FOXO3: variants seen among roughly 807,000 people sequenced by gnomAD.
FOXO3 encodes forkhead box O3, also known as forkhead box protein O3.
FOXO3 carries 4 observed loss-of-function variants against 41.9 expected under a neutral mutation model. The observed-to-expected ratio is 0.10, with a 90% CI of 0.05 to 0.22. The LOEUF is 0.22. FOXO3 is among the 10% of genes least tolerant of loss of function. FOXO3 has a pLI of 1.00. For synonymous variants in FOXO3, 318 were observed against 389.3 expected (o/e 0.82, Z 2.16); for missense variants, 534 against 906.8 (o/e 0.59, Z 5.28).
At chr6:108,657,320 T>C (rs1338808313) in intron 1 of FOXO3, among the ~76,000 whole-genome samples, 1 of 152,240 alleles carries the variant, frequency 6.6e-6, no homozygotes, top group Non-Finnish European at 1.5e-5. Flanking sequence ...TTTCTTGTAA[T>C]TTCATCAAAA....
intron 1 of FOXO3, among the ~76,000 whole-genome samples, chr6:108,638,038 TAA>T (rs540842897): frequency 3.3e-5 from 5 of 152,244 alleles, no homozygotes; most frequent in Non-Finnish European, 7.3e-5. Flanking sequence ...TCAAAATGGT[TAA>T]GTTAGGGTAA....
intron 1 of FOXO3, among the ~76,000 whole-genome samples, chr6:108,590,976 C>T (rs1360946411): frequency 6.6e-6 from 1 of 152,144 alleles, no homozygotes; most frequent in Non-Finnish European, 1.5e-5. Flanking sequence ...GAGTGCCAAA[C>T]TAGTTAATGA....
In FOXO3 at chr6:108,612,834, C is replaced by G. The variant is rs926807845; in HGVS notation, c.622-50621C>G. Among the ~76,000 whole-genome samples, 8 of 152,068 alleles carry G rather than the reference C, an allele frequency of 5.3e-5. No individual in the cohort carries two copies. In the South Asian group the frequency reaches 1.7e-3, roughly 31 times the overall value. ...CAGAGATCCTTACCATTTTTCTCAT[C>G]TTAAGGGGAAAGCATTCAGTCTTTC... On this transcript the variant is annotated intron_variant, in intron 1 of 2. Coordinates refer to ENST00000406360, the MANE Select transcript of FOXO3 (RefSeq NM_001455.4).
chr6:108,644,588 CTTTT>C (rs1778345184), intron 1 of FOXO3, among the ~76,000 whole-genome samples: 1 of 152,138 alleles, frequency 6.6e-6, no homozygotes, highest in Non-Finnish European at 1.5e-5. Context: ...TCTGTTCTTT[CTTTT>C]GTCTGATCCC....
chr6:108,568,639 T>G (rs919126433), intron 1 of FOXO3, among the ~76,000 whole-genome samples: 4 of 152,206 alleles, frequency 2.6e-5, no homozygotes, highest in African/African-American at 9.6e-5. Flanking sequence ...CCCATATGGA[T>G]AGCCTTAGTT....
At chr6:108,639,466 C>A (rs1342962230) in intron 1 of FOXO3, 1 of 736,082 alleles carries the variant, frequency 1.4e-6, no homozygotes, top group Non-Finnish European at 1.7e-6. Flanking sequence ...CCAATAAGAC[C>A]ATGTTCTTTC....
At chr6:108,672,728 C>CCT (rs1779251070) in intron 2 of FOXO3, among the ~76,000 whole-genome samples, 1 of 152,126 alleles carries the variant, frequency 6.6e-6, no homozygotes, top group Non-Finnish European at 1.5e-5. Context: ...CCTCCCTCTC[C>CCT]CTCTCCCTGT....
chr6:108,629,640 G>A lies in FOXO3; in HGVS notation c.622-33815G>A, dbSNP rs540654699. Among the ~76,000 whole-genome samples the A allele has an allele frequency of 6.6e-5, 10 of 152,070 alleles. No homozygotes were observed. The South Asian group carries it at 1.5e-3, about 22-fold the overall frequency. On this transcript the variant is annotated intron_variant, in intron 1 of 2. Coordinates refer to ENST00000406360, the MANE Select transcript of FOXO3 (RefSeq NM_001455.4). ...TTTTGCTTTATAGTAAAACCTCTCCGGCAGAATTATTTTATAATCTTTTTT... is the reference window on the plus strand; with the variant it reads ...TTTTGCTTTATAGTAAAACCTCTCCAGCAGAATTATTTTATAATCTTTTTT...
At chr6:108,627,940 A>G (rs1437749501) in intron 1 of FOXO3, among the ~76,000 whole-genome samples, 1 of 152,174 alleles carries the variant, frequency 6.6e-6, no homozygotes, top group African/African-American at 2.4e-5. Flanking sequence ...GAGTCAGTAT[A>G]TGCATATTTA....
intron 2 of FOXO3, among the ~76,000 whole-genome samples, chr6:108,668,488 C>T (rs1055886309): frequency 6.6e-6 from 1 of 152,158 alleles, no homozygotes; most frequent in African/African-American, 2.4e-5. Context: ...GTGCTGCAAG[C>T]TCGAGCTTCC....
chr6:108,599,156 C>T (rs1776975153), intron 1 of FOXO3, among the ~76,000 whole-genome samples: 1 of 152,084 alleles, frequency 6.6e-6, no homozygotes, highest in South Asian at 2.1e-4. Context: ...TGTTATTATT[C>T]CTGTTAATAA....
rs1349545042 is a variant in FOXO3 at position 108,561,691 on chromosome 6, C to T, written c.483C>T (p.Ser161=). 1.2e-6 allele frequency: 2 copies of T among 1,610,920 alleles called. No homozygotes were observed. Among genetic ancestry groups the T allele is most frequent in the Non-Finnish European group, 1.7e-6 (2 of 1,179,004 alleles). The change falls in exon 1 of 3, where the codon TCC becomes TCT. Residue 161 remains serine (S), a synonymous_variant. Transcript: ENST00000406360. ...SSRRNAWGNL[S]YADLITRAIE... ...GGCGGAACGCCTGGGGAAACCTGTC[C>T]TACGCGGACCTGATCACCCGCGCCA...
At chr6:108,623,746 A>G (rs1777735860) in intron 1 of FOXO3, among the ~76,000 whole-genome samples, 2 of 152,218 alleles carry the variant, frequency 1.3e-5, no homozygotes, top group African/African-American at 4.8e-5. Context: ...AAGGAAATTC[A>G]GGTCTTTAGC....
At chr6:108,582,563 T>A (rs1231068150) in intron 1 of FOXO3, among the ~76,000 whole-genome samples, 1 of 152,216 alleles carries the variant, frequency 6.6e-6, no homozygotes, top group Non-Finnish European at 1.5e-5. Flanking sequence ...TTTATTCTGG[T>A]TACCTTAATC....
intron 1 of FOXO3, chr6:108,618,083 C>A: frequency 2.7e-6 from 2 of 753,576 alleles, no homozygotes; most frequent in South Asian, 1.3e-5. Context: ...GTGTCTTTTT[C>A]ATTGATTTGG....
At chr6:108,645,162 TC>T (rs1294329048) in intron 1 of FOXO3, among the ~76,000 whole-genome samples, 9 of 152,248 alleles carry the variant, frequency 5.9e-5, no homozygotes, top group African/African-American at 2.4e-5. Flanking sequence ...TGCCTTACTT[TC>T]TGTTCATTTC....
rs1296831263 is a variant in FOXO3, at chr6:108,683,381, AAT to A, written c.*3591_*3592del. 1 of 152,186 alleles carries A rather than the reference AAT, an allele frequency of 6.6e-6. No homozygotes were observed. Among genetic ancestry groups the A allele is most frequent in the Non-Finnish European group, 1.5e-5 (1 of 68,036 alleles). 9.4% of individuals were successfully genotyped at this position (152,186 alleles called of 1,614,324 possible). On this transcript the variant is annotated 3_prime_UTR_variant, in exon 3 of 3. Coordinates refer to ENST00000406360, the MANE Select transcript of FOXO3 (RefSeq NM_001455.4). Reference sequence around the variant, plus strand: ...TCTACCTAGTGAACCCCACTTAAAGAATAAGGAGCATTTGAATCTCTTGGAAA... The same window carrying A: ...TCTACCTAGTGAACCCCACTTAAAGAAAGGAGCATTTGAATCTCTTGGAAA...
At position 108,622,138 on chromosome 6, in the gene FOXO3, C is replaced by T. The variant is rs1582788297; in HGVS notation, c.622-41317C>T. Among the ~76,000 whole-genome samples the T allele has an allele frequency of 3.3e-5, 5 of 151,512 alleles. No individual in the cohort carries two copies. In the South Asian group the frequency reaches 8.3e-4, roughly 25 times the overall value. On this transcript the variant is annotated intron_variant, in intron 1 of 2. Transcript: ENST00000406360. The stretch of plus-strand genomic sequence containing the variant: ...GCTGGGTGTGGTGGCGCATGCCTGT[C>T]ATCCCAGCCACTTGCGAGGCTGAGG...
chr6:108,596,649 G>C (rs1776895428), intron 1 of FOXO3, among the ~76,000 whole-genome samples: 1 of 152,234 alleles, frequency 6.6e-6, no homozygotes, highest in African/African-American at 2.4e-5. Context: ...CTGTCCATAG[G>C]CAAAGTTACA....
Sources: gnomAD v4.1 joint callset for allele counts (sites outside exome capture counted in the v4.1 genomes callset) on GRCh38, gnomAD v4.1.1 for gene constraint, MANE v1.5 for transcripts, NCBI Gene and HGNC (gene_info 2026-07-23, HGNC 2026-07-21) for gene names.